The following WDR4 variants were observed in gnomAD, a reference collection of about 807,000 sequenced individuals.
WDR4 encodes tRNA (guanine-N(7)-)-methyltransferase non-catalytic subunit WDR4.
Under a neutral mutation model 48.6 loss-of-function variants are expected in WDR4, and 47 were observed. The ratio of observed to expected loss-of-function variants is 0.97; its 90% CI spans 0.77 to 1.23. The LOEUF (loss-of-function observed/expected upper bound fraction) is 1.23. Ranked by LOEUF, WDR4 falls within the 50% of genes most tolerant of loss-of-function variation. WDR4 has a pLI of 0.00. For missense variants in WDR4, 606 were observed against 551.6 expected, an observed-to-expected ratio of 1.10 and a Z score of -0.99; for synonymous variants, 268 against 230.0, an observed-to-expected ratio of 1.17 and a Z score of -1.49.
upstream of WDR4, among the ~76,000 whole-genome samples, chr21:42,882,236 A>T (rs1488910262): frequency 6.7e-6 from 1 of 150,060 alleles, no homozygotes; most frequent in Non-Finnish European, 1.5e-5. Context: ...ACATTAGCCT[A>T]GAGTGAGTGT....
chr21:42,881,812 C>CT (rs898920496), upstream of WDR4, among the ~76,000 whole-genome samples: 21 of 151,098 alleles, frequency 1.4e-4, no homozygotes, highest in African/African-American at 3.2e-4. Flanking sequence ...TTCTTTTTTT[C>CT]TTTTTTTTTG....
At position 42,865,399 on chromosome 21, in the gene WDR4, T is replaced by A. The variant is rs186944768; in HGVS notation, c.297-1803A>T. On this transcript the variant is annotated intron_variant, in intron 3 of 10. Transcript: ENST00000398208. ...GGCACAGAGGAGCAGCCCAAGAGGA[T>A]GCCACAGGGAGGGGGGATGGACTTG... 2.0e-5 allele frequency among the ~76,000 whole-genome samples: 3 copies of A among 152,148 alleles called. No individual in the cohort carries two copies. The East Asian group carries it at 5.8e-4, about 29-fold the overall frequency.
chr21:42,859,569 C>T (rs1348877806), intron 6 of WDR4, 93 bp downstream of exon 6: 13 of 1,372,070 alleles, frequency 9.5e-6, no homozygotes, highest in South Asian at 2.5e-5. Context: ...CAGGGGCCAG[C>T]GATCCACAGG....
chr21:42,885,523 C>T, the WDR4 span, among the ~76,000 whole-genome samples: 34,832 of 151,774 alleles, frequency 0.23, 5,001 homozygotes, highest in African/African-American at 0.42. Flanking sequence ...GGCAGGAGAA[C>T]CACTGAACCC....
downstream of WDR4, among the ~76,000 whole-genome samples, chr21:42,848,552 C>T (rs1164582108): frequency 3.5e-5 from 2 of 57,850 alleles, no homozygotes; most frequent in Non-Finnish European, 6.2e-5. Flanking sequence ...GCACCTCACA[C>T]AGCACACGAT....
At chr21:42,879,382 T>C (rs1382788563) in intron 1 of WDR4, 25 bp downstream of exon 1, 15 of 1,610,774 alleles carry the variant, frequency 9.3e-6, no homozygotes, top group Non-Finnish European at 1.3e-5. Context: ...CTGGTCTCCC[T>C]GTTCCAAGAC....
upstream of WDR4, among the ~76,000 whole-genome samples, chr21:42,884,154 T>TATC (rs754839801): frequency 2.0e-5 from 3 of 152,226 alleles, no homozygotes; most frequent in East Asian, 3.8e-4. Flanking sequence ...ATATCACATA[T>TATC]ATCACATTTT....
chr21:42,879,550 C>G (rs1159524429), upstream of WDR4: 1 of 1,593,994 alleles, frequency 6.3e-7, no homozygotes. Context: ...CTCTTCCTGT[C>G]CGCACCGGTC....
intron 6 of WDR4, 65 bp downstream of exon 6, chr21:42,859,597 G>GCCCCCC: frequency 1.3e-5 from 9 of 708,182 alleles, no homozygotes; most frequent in East Asian, 2.8e-5. Context: ...TCCAGGAGGC[G>GCCCCCC]CCCACCCCAC....
At chr21:42,843,577 AT>A (rs75596094) in intron 11 of WDR4, among the ~76,000 whole-genome samples, 325 of 142,484 alleles carry the variant, frequency 2.3e-3, no homozygotes, top group Middle Eastern at 3.6e-3. Context: ...CACCTGGCTA[AT>A]TTTTTTTTTT....
rs183267822 is a variant in WDR4, at chr21:42,862,043, G to A, written c.566+239C>T. 2.8e-3 allele frequency among the ~76,000 whole-genome samples: 419 copies of A among 152,256 alleles called. 2 individuals carry two copies. Among genetic ancestry groups the A allele is most frequent in the Non-Finnish European group, 4.0e-3 (269 of 68,026 alleles). On this transcript the variant is annotated intron_variant, in intron 5 of 10. Coordinates refer to ENST00000398208, the MANE Select transcript of WDR4 (RefSeq NM_018669.6). The surrounding 1 kb of genome is among the most constrained non-coding windows in gnomAD (Gnocchi z 4.3). ...TCCCGGAAACAAGCCCTTCCTGTTC[G>A]GTCAGGCCCAATGCCAAGTTACTGG...
At chr21:42,848,504 A>G (rs371338607), downstream of WDR4, among the ~76,000 whole-genome samples, 383 of 13,486 alleles carry the variant, frequency 0.028, 1 homozygote, top group Admixed American at 0.046. Context: ...GCACGATCAC[A>G]CGGCGCGCAC....
chr21:42,860,601 G>A (rs754797212), intron 5 of WDR4, among the ~76,000 whole-genome samples: 10 of 152,202 alleles, frequency 6.6e-5, no homozygotes, highest in East Asian at 1.9e-4. Flanking sequence ...GCCCGGTCCC[G>A]CAGCCACCGC....
chr21:42,878,041 CAA>C (rs60952239), intron 1 of WDR4, among the ~76,000 whole-genome samples: 3 of 114,880 alleles, frequency 2.6e-5, no homozygotes, highest in African/African-American at 3.1e-5. Context: ...CGAGACTCCT[CAA>C]AAAAAAAAAA....
intron 10 of WDR4, among the ~76,000 whole-genome samples, chr21:42,851,057 C>A (rs1160800030): frequency 2.0e-5 from 3 of 152,198 alleles, no homozygotes; most frequent in Non-Finnish European, 2.9e-5. Context: ...CCAACGCAGG[C>A]CCCCAAGTCT....
chr21:42,863,695 G>C, intron 3 of WDR4, 99 bp from the exon 4 acceptor site: 1 of 1,335,132 alleles, frequency 7.5e-7, no homozygotes, highest in Non-Finnish European at 1.0e-6. Flanking sequence ...ACCGGTACCT[G>C]GCCATATGCT....
intron 3 of WDR4, among the ~76,000 whole-genome samples, chr21:42,869,167 GCT>G (rs1401620954): frequency 6.6e-6 from 1 of 152,270 alleles, no homozygotes; most frequent in East Asian, 1.9e-4. Flanking sequence ...TTTTGTTCTT[GCT>G]CTCATTTTGT....
intron 3 of WDR4, among the ~76,000 whole-genome samples, chr21:42,868,493 C>T (rs2058298890): frequency 1.3e-5 from 2 of 152,242 alleles, no homozygotes; most frequent in Admixed American, 1.3e-4. Flanking sequence ...ACGGCACACA[C>T]GGCCAGACCC....
At position 42,853,744 on chromosome 21, in the gene WDR4, A is replaced by G; in HGVS notation, c.800T>C (p.Val267Ala). 1 of 1,556,476 alleles carries G rather than the reference A, an allele frequency of 6.4e-7. No homozygotes were observed. The highest frequency in any genetic ancestry group is 1.2e-5 in the South Asian group (1 of 84,490). ...GGCGTCCAGCTGGAAGATGTAGACC[A>G]CAGGAGTGCTTGCCACGAAGAAAGA... is the stretch of plus-strand genomic sequence containing the variant. ...CVALLCDGTP[V>A]VYIFQLDARR... The change falls in exon 9 of 11, where the codon GTG becomes GCG. Residue 267 changes from valine to alanine, a missense_variant. Val to Ala is a moderately conservative substitution (Grantham distance 64). Transcript: ENST00000398208.
Sources: allele counts gnomAD v4.1 joint callset (sites outside exome capture counted in the v4.1 genomes callset), GRCh38; gene constraint gnomAD v4.1.1; non-coding constraint Gnocchi (gnomAD v3.1); transcripts MANE v1.5; gene names NCBI Gene and HGNC (gene_info 2026-07-23, HGNC 2026-07-21).